Variants in SEPTIN9 observed in about 807,000 individuals in gnomAD.
SEPTIN9 encodes the protein septin-9.
SEPTIN9 carries 13 observed loss-of-function variants against 56.6 expected under a neutral mutation model. That is an observed-to-expected ratio of 0.23 (90% CI 0.15 to 0.37). SEPTIN9 has a LOEUF of 0.37. Ranked by LOEUF, SEPTIN9 falls within the 10% of genes least tolerant of loss-of-function variation. SEPTIN9 has a pLI of 1.00. For missense variants in SEPTIN9, 650 were observed against 823.1 expected, an observed-to-expected ratio of 0.79 and a Z score of 2.57; for synonymous variants, 332 against 334.1, an observed-to-expected ratio of 0.99 and a Z score of 0.07.
chr17:77,418,502 C>T (rs2036580409), intron 3 of SEPTIN9, among the ~76,000 whole-genome samples: 1 of 152,170 alleles, frequency 6.6e-6, no homozygotes, highest in African/African-American at 2.4e-5. Context: ...GTCACCATGG[C>T]AGGCTAGTTT....
At position 77,460,076 on chromosome 17, in the gene SEPTIN9, C is replaced by A. The variant is rs73375392; in HGVS notation, c.722-22068C>A. On this transcript the variant is annotated intron_variant, in intron 3 of 11. Coordinates refer to ENST00000427177, the MANE Select transcript of SEPTIN9 (RefSeq NM_001113491.2). ...CCACCCCCATGACCCAAGCCCCACC[C>A]CCCCCAGGCCTTACCTCCAACATCA... 4.1e-4 allele frequency among the ~76,000 whole-genome samples: 63 copies of A among 152,110 alleles called. No homozygotes were observed. In the East Asian group the frequency reaches 4.3e-3, roughly 10 times the overall value.
intron 3 of SEPTIN9, among the ~76,000 whole-genome samples, chr17:77,440,994 T>A (rs2037528315): frequency 6.6e-6 from 1 of 152,130 alleles, no homozygotes; most frequent in Non-Finnish European, 1.5e-5. Flanking sequence ...AAAGGGTTTG[T>A]GGAGTGAGCT....
intron 3 of SEPTIN9, 199 bp from the exon 4 acceptor site, chr17:77,481,945 A>T: frequency 1.7e-6 from 1 of 600,386 alleles, no homozygotes; most frequent in Non-Finnish European, 2.9e-6. Context: ...TGGCTGCAGG[A>T]TGGCAGCTTT....
chr17:77,364,179 C>T (rs1386900761), intron 2 of SEPTIN9, among the ~76,000 whole-genome samples: 2 of 152,168 alleles, frequency 1.3e-5, no homozygotes, highest in Admixed American at 1.3e-4. Context: ...CTGGAGGGGC[C>T]CAGCCAGCGC....
chr17:77,406,091 T>C (rs1316997509), intron 3 of SEPTIN9, among the ~76,000 whole-genome samples: 1 of 152,222 alleles, frequency 6.6e-6, no homozygotes, highest in Non-Finnish European at 1.5e-5. Context: ...CAGGGTCTCC[T>C]GGGGCCCCAG....
Position 77,367,356 on chromosome 17 carries a change from C to G in SEPTIN9, c.77-34703C>G, listed in dbSNP as rs1348615873. ...TCCATGTGTGTTCTGAACGTCCCCT[C>G]TGCCCCTTTGGGCTCATGCCCCATC... On this transcript the variant is annotated intron_variant, in intron 2 of 11. Transcript: ENST00000427177. The surrounding 1 kb of genome is among the most constrained non-coding windows in gnomAD (Gnocchi z 4.5). Among the ~76,000 whole-genome samples the G allele has an allele frequency of 6.6e-6, 1 of 152,216 alleles. No homozygotes were observed. The highest frequency in any genetic ancestry group is 1.5e-5 in the Non-Finnish European group (1 of 68,040).
intron 3 of SEPTIN9, among the ~76,000 whole-genome samples, chr17:77,430,217 C>G (rs2037075063): frequency 6.6e-6 from 1 of 152,152 alleles, no homozygotes; most frequent in African/African-American, 2.4e-5. Context: ...AGCTCCATCC[C>G]CAGCTTTCTC....
In SEPTIN9 at chr17:77,367,479, A is replaced by C. The variant is rs1275378812; in HGVS notation, c.77-34580A>C. ...GTGGAGTCCCTAAAGCCACTGTCTC[A>C]AGGGGTCTCATGGGACAATGGGAGA... On this transcript the variant is annotated intron_variant, in intron 2 of 11. Coordinates refer to ENST00000427177, the MANE Select transcript of SEPTIN9 (RefSeq NM_001113491.2). The surrounding 1 kb of genome is among the most constrained non-coding windows in gnomAD (Gnocchi z 4.5). Among the ~76,000 whole-genome samples the C allele has an allele frequency of 6.6e-6, 1 of 152,130 alleles. No individual in the cohort carries two copies. The highest frequency in any genetic ancestry group is 1.9e-4 in the East Asian group (1 of 5,194).
intron 3 of SEPTIN9, among the ~76,000 whole-genome samples, chr17:77,418,996 C>T (rs2036600798): frequency 6.6e-6 from 1 of 152,186 alleles, no homozygotes; most frequent in South Asian, 2.1e-4. Context: ...TTGCCCATAC[C>T]CTGGCCTCCC....
intron 10 of SEPTIN9, among the ~76,000 whole-genome samples, chr17:77,494,440 A>G (rs2040166494): frequency 6.6e-6 from 1 of 152,260 alleles, no homozygotes; most frequent in African/African-American, 2.4e-5. Flanking sequence ...TGAAAGGCCC[A>G]GTAGAGCAGG....
At chr17:77,497,614 T>C (rs2040326821) in intron 11 of SEPTIN9, 2 of 584,730 alleles carry the variant, frequency 3.4e-6, no homozygotes, top group Non-Finnish European at 6.2e-6. Context: ...GGCTGAGCTT[T>C]GATCCACTGT....
intron 3 of SEPTIN9, among the ~76,000 whole-genome samples, chr17:77,478,542 C>T (rs1181718555): frequency 3.3e-5 from 5 of 152,030 alleles, no homozygotes; most frequent in Non-Finnish European, 5.9e-5. Context: ...CGTGGTGGCT[C>T]ACGCCTGTAA....
rs1284560667 is a variant in SEPTIN9 at position 77,402,842 on chromosome 17, T to TG, written c.721+144dup. ...GGAGACCCAGAAAGACCGGAATGCA[T>TG]GGGGGTGGGGGTCTGCAAGCTCAGG... On this transcript the variant is annotated intron_variant, in intron 3 of 11. Transcript: ENST00000427177. This position sits in a 1 kb window ranked among gnomAD's most constrained non-coding sequence, Gnocchi z 6.6. 1 of 792,372 alleles carries TG rather than the reference T, an allele frequency of 1.3e-6. No individual in the cohort carries two copies. Among genetic ancestry groups the TG allele is most frequent in the African/African-American group, 1.7e-5 (1 of 57,330 alleles). The allele number at this position is 792,372 out of a possible 1,614,324, so 49.1% of individuals were successfully genotyped here.
rs961585709 is a variant in SEPTIN9, at chr17:77,408,064, A to C, written c.721+5361A>C. Among the ~76,000 whole-genome samples, 23 of 151,258 alleles carry C rather than the reference A, an allele frequency of 1.5e-4. No homozygotes were observed. The East Asian group carries it at 4.5e-3, about 30-fold the overall frequency. On this transcript the variant is annotated intron_variant, in intron 3 of 11. Coordinates refer to ENST00000427177, the MANE Select transcript of SEPTIN9 (RefSeq NM_001113491.2). ...TAAGGCGGGTGCTCAGCGCTCGTTC[A>C]TGGGTCTGGTTCTCTGCCTTCTTGG...
intron 2 of SEPTIN9, chr17:77,373,123 G>C (rs975275945): frequency 1.1e-6 from 1 of 918,996 alleles, no homozygotes; most frequent in Non-Finnish European, 1.3e-6. Flanking sequence ...CGGGCCAGGC[G>C]GGGAGGAGGG....
intron 1 of SEPTIN9, among the ~76,000 whole-genome samples, chr17:77,285,525 G>C (rs974589516): frequency 6.6e-6 from 1 of 152,154 alleles, no homozygotes. Flanking sequence ...AGCCTCCTGA[G>C]TAGCTGGGAT....
rs952419882 is a variant in SEPTIN9 at position 77,476,329 on chromosome 17, C to T, written c.722-5815C>T. ...GAGTGCCCCTAAAGTGTGTCATGTC[C>T]AATAGCTGCCTCCTCTCTGGGCACT... On this transcript the variant is annotated intron_variant, in intron 3 of 11. Transcript: ENST00000427177. The surrounding 1 kb of genome is among the most constrained non-coding windows in gnomAD (Gnocchi z 6.0). 2.0e-5 allele frequency among the ~76,000 whole-genome samples: 3 copies of T among 152,174 alleles called. No individual in the cohort carries two copies. Among genetic ancestry groups the T allele is most frequent in the Non-Finnish European group, 2.9e-5 (2 of 68,036 alleles).
intron 2 of SEPTIN9, among the ~76,000 whole-genome samples, chr17:77,340,391 C>G (rs1419599355): frequency 1.3e-5 from 2 of 152,050 alleles, no homozygotes; most frequent in Non-Finnish European, 2.9e-5. Context: ...TCCCCCCGCC[C>G]CAGCCTTCAA....
intron 2 of SEPTIN9, among the ~76,000 whole-genome samples, chr17:77,349,481 A>G (rs540768052): frequency 1.3e-5 from 2 of 152,268 alleles, no homozygotes; most frequent in East Asian, 3.9e-4. Context: ...TTTTTCTTTC[A>G]GGACTTTAAA....
Sources: gnomAD v4.1 joint callset for allele counts (sites outside exome capture counted in the v4.1 genomes callset) on GRCh38, gnomAD v4.1.1 for gene constraint, Gnocchi (gnomAD v3.1) non-coding constraint, MANE v1.5 for transcripts, NCBI Gene and HGNC (gene_info 2026-07-23, HGNC 2026-07-21) for gene names.